Variants in CDH13 observed in about 807,000 individuals in gnomAD.
CDH13 encodes cadherin-13.
In CDH13, 24 loss-of-function variants were observed where a neutral mutation model predicts 63.8. The observed-to-expected ratio is 0.38, with a 90% CI of 0.27 to 0.53. The LOEUF is 0.53. Among genes scored for constraint, CDH13 ranks in the 20% least tolerant of loss-of-function variants. The pLI is 0.85. For missense variants in CDH13, 1,049 were observed against 903.1 expected (o/e 1.16, Z -2.07); for synonymous variants, 503 against 355.3 (o/e 1.42, Z -4.67).
chr16:83,548,890 C>T (rs1052381362), intron 7 of CDH13, among the ~76,000 whole-genome samples: 1 of 152,148 alleles, frequency 6.6e-6, no homozygotes, highest in Non-Finnish European at 1.5e-5. Flanking sequence ...GCAAAATAGA[C>T]AAGGGTAAAA....
At chr16:83,226,399 A>G (rs2039840408) in intron 5 of CDH13, among the ~76,000 whole-genome samples, 1 of 152,294 alleles carries the variant, frequency 6.6e-6, no homozygotes, top group Non-Finnish European at 1.5e-5. Context: ...TCATTAGCAC[A>G]AACTCCTCAG....
intron 1 of CDH13, among the ~76,000 whole-genome samples, chr16:82,642,930 C>T (rs1909596957): frequency 6.6e-6 from 1 of 152,152 alleles, no homozygotes; most frequent in South Asian, 2.1e-4. Flanking sequence ...GAGATTCAAA[C>T]TCAAGACAAT....
intron 4 of CDH13, among the ~76,000 whole-genome samples, chr16:83,203,185 T>C (rs2151768131): frequency 6.6e-6 from 1 of 152,032 alleles, no homozygotes; most frequent in Middle Eastern, 3.4e-3. Flanking sequence ...GGTCGCACCA[T>C]TGCACTCCAG....
chr16:83,110,002 G>T (rs558793086), intron 3 of CDH13, among the ~76,000 whole-genome samples: 11 of 152,194 alleles, frequency 7.2e-5, no homozygotes, highest in Non-Finnish European at 1.5e-4. Context: ...CATCCAAAGC[G>T]TATGTTTTTG....
At chr16:82,833,654 T>C (rs2038641607) in intron 1 of CDH13, among the ~76,000 whole-genome samples, 1 of 152,192 alleles carries the variant, frequency 6.6e-6, no homozygotes, top group Non-Finnish European at 1.5e-5. Flanking sequence ...TCTGTCCAGG[T>C]AATAGCCTAA....
In CDH13 at chr16:82,914,569, A is replaced by G. The variant is rs9933340; in HGVS notation, c.157+56096A>G. ...GTAGTTAAAGAGTCTGACGTTATCA[A>G]TCAATGGAAATATTTTCAAAAGGTA... On this transcript the variant is annotated intron_variant, in intron 2 of 13. Coordinates refer to ENST00000567109, the MANE Select transcript of CDH13 (RefSeq NM_001257.5). Among the ~76,000 whole-genome samples, 835 of 152,340 alleles carry G rather than the reference A, an allele frequency of 5.5e-3. 4 individuals are homozygous for G. Among genetic ancestry groups the G allele is most frequent in the African/African-American group, 0.019 (802 of 41,578 alleles).
At chr16:83,351,941 G>T (rs2090959509) in intron 6 of CDH13, among the ~76,000 whole-genome samples, 1 of 152,178 alleles carries the variant, frequency 6.6e-6, no homozygotes, top group South Asian at 2.1e-4. Flanking sequence ...AGTTTTTGTG[G>T]TCATTTCACT....
At chr16:83,719,369 GTCTCCAATT>G (rs1331604846) in intron 10 of CDH13, among the ~76,000 whole-genome samples, 1 of 152,236 alleles carries the variant, frequency 6.6e-6, no homozygotes, top group Admixed American at 6.5e-5. Flanking sequence ...ATCCCCCACT[GTCTCCAATT>G]TCTGCACTAG....
intron 6 of CDH13, among the ~76,000 whole-genome samples, chr16:83,450,261 A>T (rs2072848539): frequency 6.6e-6 from 1 of 152,238 alleles, no homozygotes; most frequent in Admixed American, 6.5e-5. Flanking sequence ...TTAGCTGCTT[A>T]GGCTCTGCCC....
At chr16:83,150,389 A>G (rs987109207) in intron 4 of CDH13, among the ~76,000 whole-genome samples, 5 of 151,992 alleles carry the variant, frequency 3.3e-5, no homozygotes, top group African/African-American at 7.3e-5. Context: ...CTCCCTTGCT[A>G]TCATTATCTC....
chr16:83,396,668 G>T (rs1189585465), intron 6 of CDH13: 1 of 152,152 alleles, frequency 6.6e-6, no homozygotes, highest in African/African-American at 2.4e-5. Context: ...TTCGTGAGGT[G>T]CATGGCTTTT....
In CDH13 at chr16:83,602,605, G is replaced by A. The variant is rs2150751459; in HGVS notation, c.1101+11G>A. The A allele has an allele frequency of 3.7e-6, 6 of 1,613,736 alleles. No individual in the cohort carries two copies. Among genetic ancestry groups the A allele is most frequent in the African/African-American group, 1.3e-5 (1 of 75,010 alleles). On this transcript the variant is annotated intron_variant, in intron 8 of 13. Transcript: ENST00000567109. Reference sequence around the variant, plus strand: ...TTCACCAAGAAAGAGGTAAACCCCTGTGCCAAACACCAACCACCACTGTGG... The same window carrying A: ...TTCACCAAGAAAGAGGTAAACCCCTATGCCAAACACCAACCACCACTGTGG...
intron 6 of CDH13, among the ~76,000 whole-genome samples, chr16:83,457,768 C>T (rs2073063545): frequency 6.6e-6 from 1 of 152,080 alleles, no homozygotes; most frequent in Non-Finnish European, 1.5e-5. Flanking sequence ...AGTCACTGAC[C>T]CACTCCGCAT....
intron 3 of CDH13, among the ~76,000 whole-genome samples, chr16:83,061,747 C>G (rs555826557): frequency 6.6e-6 from 1 of 152,136 alleles, no homozygotes; most frequent in Non-Finnish European, 1.5e-5. Flanking sequence ...GTAGAAAGAA[C>G]AAAAATAAAG....
rs145211616 is a variant in CDH13 at position 83,718,644 on chromosome 16, ATAT to A, written c.1539-29462_1539-29460del. 2.9e-3 allele frequency among the ~76,000 whole-genome samples: 444 copies of A among 152,236 alleles called. 3 individuals are homozygous for A. The highest frequency in any genetic ancestry group is 0.01 in the African/African-American group (432 of 41,532). ...TGTGATATAGTATGTTAACGAGCAT[ATAT>A]TGAGGTCCTAGGGAAAACCTAAGTG... On this transcript the variant is annotated intron_variant, in intron 10 of 13. Transcript: ENST00000567109.
At chr16:83,517,843 C>G (rs1300014088) in intron 7 of CDH13, among the ~76,000 whole-genome samples, 1 of 152,144 alleles carries the variant, frequency 6.6e-6, no homozygotes, top group Non-Finnish European at 1.5e-5. Context: ...GGCACTCTCA[C>G]TAAATGCAAG....
Position 83,799,898 on chromosome 16 carries a change from G to A in CDH13, c.*4868G>A, listed in dbSNP as rs539266207. 64 of 152,272 alleles carry A rather than the reference G, an allele frequency of 4.2e-4. No homozygotes were observed. Among genetic ancestry groups the A allele is most frequent in the African/African-American group, 1.5e-3 (62 of 41,556 alleles). 9.4% of individuals were successfully genotyped at this position (152,272 alleles called of 1,614,324 possible). A position where few individuals can be genotyped will look rare whatever the true frequency, so the allele number is the denominator to read the frequency against. ...ACATGGAGAGACAGCAAAAAATGGT[G>A]GGAATGGGTGTGTGTATGAGGGTTT... On this transcript the variant is annotated 3_prime_UTR_variant, in exon 14 of 14. Transcript: ENST00000567109.
intron 7 of CDH13, among the ~76,000 whole-genome samples, chr16:83,551,701 C>T (rs1055198440): frequency 1.3e-5 from 2 of 152,118 alleles, no homozygotes; most frequent in Non-Finnish European, 2.9e-5. Context: ...GATTCTTGTC[C>T]TCCCTTGGAG....
intron 7 of CDH13, among the ~76,000 whole-genome samples, chr16:83,514,254 A>T (rs1358862399): frequency 6.6e-6 from 1 of 152,220 alleles, no homozygotes; most frequent in Non-Finnish European, 1.5e-5. Flanking sequence ...GTCTACCCAG[A>T]ACCTCAGAAT....
Sources: gnomAD v4.1 joint callset for allele counts (sites outside exome capture counted in the v4.1 genomes callset) on GRCh38, gnomAD v4.1.1 for gene constraint, MANE v1.5 for transcripts, NCBI Gene and HGNC (gene_info 2026-07-23, HGNC 2026-07-21) for gene names.